SH3BP5: variants seen among roughly 807,000 people sequenced by gnomAD.
SH3BP5 encodes SH3 domain-binding protein 5.
In SH3BP5, 22 loss-of-function variants were observed where a neutral mutation model predicts 43.3. That is an observed-to-expected ratio of 0.51 (90% CI 0.36 to 0.73). The LOEUF is 0.73. SH3BP5 is among the 30% of genes least tolerant of loss of function. The pLI is 0.00. For synonymous variants in SH3BP5, 255 were observed against 225.8 expected (o/e 1.13, Z -1.16); for missense variants, 529 against 586.9 (o/e 0.90, Z 1.02).
chr3:15,258,847 C>A lies in SH3BP5; in HGVS notation c.873G>T (p.Glu291Asp). The change falls in exon 7 of 9, where the codon GAG (glutamate) becomes GAT (aspartate). Residue 291 changes from glutamate (E) to aspartate (D), a missense_variant. Glu to Asp is a conservative substitution (Grantham distance 45, BLOSUM62 2). This residue lies in a region of SH3BP5 where 369 missense variants were observed against 384.3 expected (regional missense o/e 0.96). Coordinates refer to ENST00000383791, the MANE Select transcript of SH3BP5 (RefSeq NM_004844.5). The part of the protein sequence containing the change: ...SVEDLPGSKP[E>D]PDAISVASEA... ...CTGACTTACCAGAAATGGCATCAGG[C>A]TCAGGTTTGCTCCCTGGCAGATCCT... The A allele has an allele frequency of 6.2e-7, 1 of 1,614,038 alleles. No individual in the cohort carries two copies. The highest frequency in any genetic ancestry group is 1.3e-5 in the African/African-American group (1 of 75,054).
At position 15,259,840 on chromosome 3, in the gene SH3BP5, T is replaced by G. The variant is rs768854552; in HGVS notation, c.627-37A>C. 20 of 1,598,674 alleles carry G rather than the reference T, an allele frequency of 1.3e-5. No individual in the cohort carries two copies. The East Asian group carries it at 4.5e-4, about 36-fold the overall frequency. ...AGGAAGGAAAGCCATCAGAGTAATA[T>G]AATACAGTGACCACAGTCAACTCCA... On this transcript the variant is annotated intron_variant, in intron 5 of 8. Transcript: ENST00000383791.
At chr3:15,340,470 A>G (rs1251853559) in intron 1 of SH3BP5, among the ~76,000 whole-genome samples, 1 of 152,206 alleles carries the variant, frequency 6.6e-6, no homozygotes, top group Admixed American at 6.6e-5. Flanking sequence ...GGTTAAATAC[A>G]TAAAAAAGCA....
intron 3 of SH3BP5, among the ~76,000 whole-genome samples, chr3:15,303,569 C>G (rs1442637836): frequency 1.3e-5 from 2 of 152,112 alleles, no homozygotes; most frequent in Admixed American, 6.6e-5. Context: ...CTTCTGGTCT[C>G]CGTTTCACTG....
rs553835990 is a variant in SH3BP5, at chr3:15,271,082, A to C, written c.331-1205T>G. Among the ~76,000 whole-genome samples, 3 of 151,972 alleles carry C rather than the reference A, an allele frequency of 2.0e-5. No individual in the cohort carries two copies. The South Asian group carries it at 6.2e-4, about 32-fold the overall frequency. On this transcript the variant is annotated intron_variant, in intron 3 of 8. Transcript: ENST00000383791. Reference sequence around the variant, plus strand: ...TATATTAAATTAAATTAAATATATTATTAAAATTAATTTCAGCTGGGTGCA... The same window carrying C: ...TATATTAAATTAAATTAAATATATTCTTAAAATTAATTTCAGCTGGGTGCA...
At chr3:15,330,417 A>C in intron 2 of SH3BP5, 87 bp downstream of exon 2, 1 of 1,097,020 alleles carries the variant, frequency 9.1e-7, no homozygotes, top group Admixed American at 1.8e-5. Context: ...CAGCAATAAC[A>C]CTCCAGCTAT....
chr3:15,291,381 C>A (rs1253061262), intron 3 of SH3BP5, among the ~76,000 whole-genome samples: 1 of 152,176 alleles, frequency 6.6e-6, no homozygotes, highest in Non-Finnish European at 1.5e-5. Context: ...TACAAATTCC[C>A]TTTTGGTAGG....
At chr3:15,272,871 A>T (rs796248723) in intron 3 of SH3BP5, among the ~76,000 whole-genome samples, 24 of 152,212 alleles carry the variant, frequency 1.6e-4, no homozygotes, top group African/African-American at 5.8e-4. Flanking sequence ...GCCCACTTCC[A>T]CTCAGGTGTG....
intron 3 of SH3BP5, among the ~76,000 whole-genome samples, chr3:15,293,068 G>C (rs1220720685): frequency 6.6e-6 from 1 of 152,212 alleles, no homozygotes; most frequent in Non-Finnish European, 1.5e-5. Flanking sequence ...CCAAAGTGCA[G>C]CTGCTTCTTT....
At chr3:15,305,133 A>C (rs1697866942) in intron 2 of SH3BP5, among the ~76,000 whole-genome samples, 1 of 151,662 alleles carries the variant, frequency 6.6e-6, no homozygotes, top group African/African-American at 2.4e-5. Flanking sequence ...AAAAAAAATT[A>C]ATTCATTATA....
intron 3 of SH3BP5, among the ~76,000 whole-genome samples, chr3:15,299,235 A>G (rs1251880144): frequency 6.6e-6 from 1 of 152,202 alleles, no homozygotes; most frequent in East Asian, 1.9e-4. Flanking sequence ...AGATATGTCA[A>G]AGCAGCCTTA....
intron 2 of SH3BP5, among the ~76,000 whole-genome samples, chr3:15,324,381 C>T (rs1045816437): frequency 2.6e-5 from 4 of 152,174 alleles, no homozygotes; most frequent in East Asian, 1.9e-4. Flanking sequence ...GAGGCAGGGA[C>T]GTGCCTGATT....
intron 3 of SH3BP5, among the ~76,000 whole-genome samples, chr3:15,282,357 CA>C (rs1229960720): frequency 6.6e-6 from 1 of 152,188 alleles, no homozygotes; most frequent in African/African-American, 2.4e-5. Context: ...TAGTTAACCA[CA>C]AGCTATGTTG....
intron 4 of SH3BP5, 48 bp downstream of exon 4, chr3:15,269,665 G>A (rs746875831): frequency 2.0e-5 from 29 of 1,483,942 alleles, no homozygotes; most frequent in Admixed American, 9.3e-5. Context: ...GGAAGCCAGC[G>A]CGCATGCACG....
At chr3:15,310,119 C>T (rs890142342) in intron 2 of SH3BP5, among the ~76,000 whole-genome samples, 2 of 152,190 alleles carry the variant, frequency 1.3e-5, no homozygotes, top group African/African-American at 4.8e-5. Context: ...CAGTCATACT[C>T]CTAGCCACAG....
chr3:15,257,143 G>C (rs1057288137), intron 7 of SH3BP5, 30 bp from the exon 8 acceptor site: 1 of 1,602,052 alleles, frequency 6.2e-7, no homozygotes. Context: ...CAGTCACATG[G>C]GTTCTGTCAC....
chr3:15,333,272 G>A (rs1575361283), upstream of SH3BP5: 2 of 985,464 alleles, frequency 2.0e-6, no homozygotes, highest in South Asian at 9.4e-5. Context: ...CCAAACTGAA[G>A]AGGCACGTGT....
At chr3:15,304,986 G>C (rs935176457) in intron 2 of SH3BP5, among the ~76,000 whole-genome samples, 10 of 150,652 alleles carry the variant, frequency 6.6e-5, no homozygotes, top group Non-Finnish European at 1.3e-4. Flanking sequence ...GGCATAGTGG[G>C]GGACACCTGT....
At chr3:15,280,984 G>A (rs540496575) in intron 3 of SH3BP5, among the ~76,000 whole-genome samples, 86 of 152,318 alleles carry the variant, frequency 5.6e-4, no homozygotes, top group Middle Eastern at 6.8e-3. Flanking sequence ...GCTTTATGCC[G>A]CACGGTGGCA....
intron 3 of SH3BP5, among the ~76,000 whole-genome samples, chr3:15,299,937 A>G (rs886980929): frequency 2.6e-5 from 4 of 152,132 alleles, no homozygotes; most frequent in Non-Finnish European, 5.9e-5. Flanking sequence ...CAAAATATTC[A>G]CAAAGTTAAG....
Sources: gnomAD v4.1 joint callset for allele counts (sites outside exome capture counted in the v4.1 genomes callset) on GRCh38, gnomAD v4.1.1 for gene constraint, gnomAD v4.1.1 regional missense constraint, MANE v1.5 for transcripts, NCBI Gene and HGNC (gene_info 2026-07-23, HGNC 2026-07-21) for gene names.